DSCAM: variants seen among roughly 807,000 people sequenced by gnomAD.
DSCAM encodes the protein DS cell adhesion molecule.
In DSCAM, 47 loss-of-function variants were observed where a neutral mutation model predicts 217.7. That is an observed-to-expected ratio of 0.22 (90% CI 0.17 to 0.28). DSCAM has a LOEUF of 0.28. DSCAM is among the 10% of genes least tolerant of loss of function. DSCAM has a pLI of 1.00. For synonymous variants in DSCAM, 1,056 were observed against 1,015.3 expected, an observed-to-expected ratio of 1.04 and a Z score of -0.76; for missense variants, 2,080 against 2,618.3, an observed-to-expected ratio of 0.79 and a Z score of 4.49.
intron 1 of DSCAM, among the ~76,000 whole-genome samples, chr21:40,824,271 C>A (rs1416652400): frequency 2.0e-5 from 3 of 152,110 alleles, no homozygotes; most frequent in Non-Finnish European, 4.4e-5. Flanking sequence ...CTCTTATGTG[C>A]GGCAACCAAA....
chr21:40,691,835 C>T (rs2090540677), intron 3 of DSCAM, among the ~76,000 whole-genome samples: 1 of 152,142 alleles, frequency 6.6e-6, no homozygotes, highest in African/African-American at 2.4e-5. Context: ...CTTTTAAATG[C>T]CTCTGGTGGT....
chr21:40,169,573 G>A (rs2090633624), intron 15 of DSCAM, among the ~76,000 whole-genome samples: 1 of 152,126 alleles, frequency 6.6e-6, no homozygotes, highest in East Asian at 1.9e-4. Flanking sequence ...GGGCTGGCGG[G>A]ACTGGGAGAG....
intron 9 of DSCAM, among the ~76,000 whole-genome samples, chr21:40,307,805 T>C (rs2074095413): frequency 6.6e-6 from 1 of 151,776 alleles, no homozygotes; most frequent in South Asian, 2.1e-4. Flanking sequence ...AAATTGGAAA[T>C]CATCATTCCC....
At chr21:40,793,302 T>C (rs1265628275) in intron 1 of DSCAM, among the ~76,000 whole-genome samples, 1 of 152,108 alleles carries the variant, frequency 6.6e-6, no homozygotes, top group African/African-American at 2.4e-5. Context: ...CAAAAGATCA[T>C]GATCTCATTA....
intron 9 of DSCAM, 135 bp downstream of exon 9, chr21:40,311,933 ATTTTTTTTTTTTT>A (rs34579385): frequency 2.5e-5 from 5 of 202,446 alleles, no homozygotes; most frequent in Non-Finnish European, 4.2e-5. Context: ...TTAGAGTCGT[ATTTTTTTTTTTTT>A]TTTTTTTTTT....
intron 3 of DSCAM, among the ~76,000 whole-genome samples, chr21:40,683,139 T>G (rs1320075707): frequency 6.6e-6 from 1 of 152,168 alleles, no homozygotes; most frequent in East Asian, 1.9e-4. Flanking sequence ...AATAAATTGC[T>G]GTTGTTTAAG....
At chr21:40,711,537 G>A (rs1445381515) in intron 1 of DSCAM, among the ~76,000 whole-genome samples, 1 of 152,150 alleles carries the variant, frequency 6.6e-6, no homozygotes, top group Non-Finnish European at 1.5e-5. Context: ...CTCACAGCAT[G>A]TTCTTCCCTG....
intron 32 of DSCAM, among the ~76,000 whole-genome samples, chr21:40,031,542 G>GGGTTCTGAAGACATGA: frequency 6.6e-6 from 1 of 152,306 alleles, no homozygotes; most frequent in Admixed American, 6.5e-5. Context: ...TGCAGGCAAT[G>GGGTTCTGAAGACATGA]GGTTCTGAAG....
chr21:40,676,828 T>A (rs773537565), intron 3 of DSCAM, among the ~76,000 whole-genome samples: 4 of 152,154 alleles, frequency 2.6e-5, no homozygotes, highest in Admixed American at 6.5e-5. Flanking sequence ...AATCCTAGAA[T>A]AACTTTTTTA....
intron 3 of DSCAM, among the ~76,000 whole-genome samples, chr21:40,649,074 T>C (rs900981020): frequency 4.7e-5 from 7 of 150,514 alleles, no homozygotes; most frequent in Non-Finnish European, 1.0e-4. Context: ...TGCATCACTG[T>C]GATTTAGCCT....
At chr21:40,760,238 A>T (rs2091319425) in intron 1 of DSCAM, among the ~76,000 whole-genome samples, 1 of 151,980 alleles carries the variant, frequency 6.6e-6, no homozygotes, top group Admixed American at 6.6e-5. Flanking sequence ...GGATTGTCTC[A>T]ATCTCTTGAC....
chr21:40,609,131 T>G (rs1568935414), intron 3 of DSCAM, among the ~76,000 whole-genome samples: 1 of 152,084 alleles, frequency 6.6e-6, no homozygotes, highest in Non-Finnish European at 1.5e-5. Context: ...TTTTTTGTAT[T>G]TTTAGAAAAG....
At chr21:40,173,367 T>C (rs1298104583) in intron 15 of DSCAM, among the ~76,000 whole-genome samples, 4 of 152,158 alleles carry the variant, frequency 2.6e-5, no homozygotes, top group Non-Finnish European at 5.9e-5. Flanking sequence ...CCAGAACTGT[T>C]CCAGAACCTT....
Position 40,133,964 on chromosome 21 carries a change from T to C in DSCAM, c.3452A>G (p.Glu1151Gly). Residue 1151 changes from glutamate (E) to glycine (G), a missense_variant, in exon 19 of 33, where the codon GAG (glutamate) becomes GGG (glycine). Glu to Gly is a moderately conservative substitution (Grantham distance 98). Around this residue, in one of 5 missense-constraint regions of DSCAM, gnomAD observed 1,144 missense variants for 1,421.1 expected, o/e 0.81. Coordinates refer to ENST00000400454, the MANE Select transcript of DSCAM (RefSeq NM_001389.5). ...KNITTTQPSL[E>G]LDGLEKYTNY... Reference sequence around the variant, plus strand: ...GGTGTACTTTTCCAGCCCGTCCAGCTCCAGTGAAGGCTGTGTGGTGGTGAT... The same window carrying C: ...GGTGTACTTTTCCAGCCCGTCCAGCCCCAGTGAAGGCTGTGTGGTGGTGAT... The C allele has an allele frequency of 1.2e-6, 2 of 1,613,558 alleles. No individual in the cohort carries two copies. The highest frequency in any genetic ancestry group is 1.7e-6 in the Non-Finnish European group (2 of 1,179,786).
intron 6 of DSCAM, among the ~76,000 whole-genome samples, chr21:40,341,684 A>T (rs550732948): frequency 5.3e-5 from 8 of 152,328 alleles, no homozygotes; most frequent in Non-Finnish European, 1.0e-4. Context: ...ACATAATAAT[A>T]GAGTATGCAC....
chr21:40,062,246 A>C (rs1000601998), intron 28 of DSCAM, among the ~76,000 whole-genome samples: 19 of 152,228 alleles, frequency 1.2e-4, no homozygotes, highest in African/African-American at 4.3e-4. Flanking sequence ...TCTGTCTTCC[A>C]CAGTTGTGAA....
chr21:40,430,653 T>G (rs2075522052), intron 3 of DSCAM, among the ~76,000 whole-genome samples: 1 of 152,254 alleles, frequency 6.6e-6, no homozygotes, highest in African/African-American at 2.4e-5. Flanking sequence ...CTATTAGTTC[T>G]GTCCTCTAGA....
At chr21:40,283,807 G>T (rs943219582) in intron 10 of DSCAM, among the ~76,000 whole-genome samples, 1 of 152,174 alleles carries the variant, frequency 6.6e-6, no homozygotes, top group Non-Finnish European at 1.5e-5. Context: ...ATGAATGTGG[G>T]TATAAATGCC....
intron 1 of DSCAM, among the ~76,000 whole-genome samples, chr21:40,723,732 TA>T (rs2090926695): frequency 6.6e-6 from 1 of 152,220 alleles, no homozygotes; most frequent in Admixed American, 6.5e-5. Context: ...TCATCTACTA[TA>T]ATCTAAATTC....
Sources: allele counts gnomAD v4.1 joint callset (sites outside exome capture counted in the v4.1 genomes callset), GRCh38; gene constraint gnomAD v4.1.1; regional missense constraint gnomAD v4.1.1; transcripts MANE v1.5; gene names NCBI Gene and HGNC (gene_info 2026-07-23, HGNC 2026-07-21).